Variants in MAP3K20 observed in about 807,000 individuals in gnomAD.
The protein encoded by MAP3K20 is HCCS-4.
A neutral mutation model predicts 85.7 loss-of-function variants in MAP3K20; 40 were observed. That is an observed-to-expected ratio of 0.47 (90% confidence interval 0.36 to 0.61). The LOEUF (loss-of-function observed/expected upper bound fraction) is 0.61. MAP3K20 is among the 20% of genes least tolerant of loss of function. The pLI, the probability that MAP3K20 is intolerant of heterozygous loss-of-function variation, is 0.00. For synonymous variants in MAP3K20, 325 were observed against 327.7 expected (o/e 0.99, Z 0.09); for missense variants, 817 against 961.7 (o/e 0.85, Z 1.99).
intron 2 of MAP3K20, among the ~76,000 whole-genome samples, chr2:173,133,227 A>G (rs1382983398): frequency 6.6e-6 from 1 of 152,224 alleles, no homozygotes; most frequent in African/African-American, 2.4e-5. Flanking sequence ...AGAAGCTTGT[A>G]TCAGTGTTTT....
At chr2:173,103,642 C>G (rs530741715) in intron 2 of MAP3K20, among the ~76,000 whole-genome samples, 2 of 152,332 alleles carry the variant, frequency 1.3e-5, no homozygotes, top group South Asian at 4.1e-4. Context: ...TTTACAGCTA[C>G]TATTCTAAGC....
chr2:173,183,021 T>C, intron 4 of MAP3K20, 66 bp downstream of exon 4: 2 of 1,238,312 alleles, frequency 1.6e-6, no homozygotes, highest in Non-Finnish European at 2.3e-6. Context: ...AAATGGGGAC[T>C]TAACATCAGA....
chr2:173,141,457 A>G (rs1190002272), intron 2 of MAP3K20, among the ~76,000 whole-genome samples: 1 of 152,206 alleles, frequency 6.6e-6, no homozygotes, highest in Non-Finnish European at 1.5e-5. Flanking sequence ...GGGGCTTAAC[A>G]GCAGATTGAG....
intron 2 of MAP3K20, among the ~76,000 whole-genome samples, chr2:173,139,338 A>T (rs2106211229): frequency 6.6e-6 from 1 of 152,286 alleles, no homozygotes; most frequent in Non-Finnish European, 1.5e-5. Flanking sequence ...TCCTGTTTGA[A>T]TTCTGATTGC....
rs571279374 is a variant in MAP3K20, at chr2:173,090,820, G to A, written c.-34-178G>A. The A allele has an allele frequency of 3.0e-5, 37 of 1,242,504 alleles. No individual in the cohort carries two copies. The African/African-American group carries it at 5.4e-4, about 18-fold the overall frequency. 77.0% of individuals were successfully genotyped at this position (1,242,504 alleles called of 1,614,324 possible). ...GGCAGGTTGTTGTTGAATTTTGCGT[G>A]GGCTGCCAGGGTGAGTGTTTTCGAA... is the stretch of plus-strand genomic sequence containing the variant. On this transcript the variant is annotated intron_variant, in intron 1 of 19. Coordinates refer to ENST00000375213, the MANE Select transcript of MAP3K20 (RefSeq NM_016653.3).
chr2:173,252,919 G>A (rs1008606908), intron 16 of MAP3K20, among the ~76,000 whole-genome samples: 1 of 152,216 alleles, frequency 6.6e-6, no homozygotes, highest in Admixed American at 6.5e-5. Flanking sequence ...CAGAATTGGT[G>A]TTATATGATC....
At chr2:173,261,273 T>C in intron 18 of MAP3K20, 136 bp downstream of exon 18, 7 of 790,536 alleles carry the variant, frequency 8.9e-6, no homozygotes, top group South Asian at 1.8e-5. Flanking sequence ...CCAACCAACA[T>C]GAACATAGGA....
intron 2 of MAP3K20, among the ~76,000 whole-genome samples, chr2:173,123,743 C>T (rs928341923): frequency 1.3e-5 from 2 of 151,854 alleles, no homozygotes; most frequent in Non-Finnish European, 2.9e-5. Flanking sequence ...GTTGTAAATT[C>T]AACTGATGTT....
chr2:173,253,161 G>A (rs982598103), intron 16 of MAP3K20, among the ~76,000 whole-genome samples: 7 of 152,074 alleles, frequency 4.6e-5, no homozygotes, highest in South Asian at 2.1e-4. Context: ...ACACCTTCCT[G>A]CCCATCAAAG....
intron 14 of MAP3K20, among the ~76,000 whole-genome samples, chr2:173,237,285 C>T (rs1444696014): frequency 1.3e-5 from 2 of 151,980 alleles, no homozygotes; most frequent in African/African-American, 4.8e-5. Context: ...CCTCAGCATC[C>T]CAAAGTGCTG....
At chr2:173,258,077 A>G (rs532999199) in intron 16 of MAP3K20, among the ~76,000 whole-genome samples, 21 of 152,344 alleles carry the variant, frequency 1.4e-4, no homozygotes, top group African/African-American at 3.8e-4. Context: ...AATCAACAGA[A>G]GCCACGAAGT....
chr2:173,263,059 T>C (rs572522686), intron 18 of MAP3K20, among the ~76,000 whole-genome samples: 25 of 152,182 alleles, frequency 1.6e-4, no homozygotes, highest in Non-Finnish European at 2.8e-4. Flanking sequence ...AAAACAGATT[T>C]CCCTAACCAT....
intron 1 of MAP3K20, among the ~76,000 whole-genome samples, chr2:173,078,319 G>T (rs868060907): frequency 1.3e-5 from 2 of 152,300 alleles, no homozygotes; most frequent in Middle Eastern, 6.8e-3. Flanking sequence ...TAGATCACTT[G>T]TTTTCCATTT....
intron 17 of MAP3K20, among the ~76,000 whole-genome samples, chr2:173,259,508 T>C (rs1308884533): frequency 1.3e-5 from 2 of 152,214 alleles, no homozygotes; most frequent in Non-Finnish European, 2.9e-5. Flanking sequence ...GTCAACAGGA[T>C]AGTCACCATA....
chr2:173,087,598 C>G (rs1687177966), intron 1 of MAP3K20, among the ~76,000 whole-genome samples: 2 of 151,932 alleles, frequency 1.3e-5, no homozygotes, highest in Non-Finnish European at 1.5e-5. Flanking sequence ...TTCCTGGGAT[C>G]AATAGAGGAT....
intron 11 of MAP3K20, among the ~76,000 whole-genome samples, chr2:173,220,627 C>G (rs933433447): frequency 2.6e-5 from 4 of 152,124 alleles, no homozygotes; most frequent in African/African-American, 9.7e-5. Context: ...GAGTACTAAT[C>G]CAGATAAAAA....
At chr2:173,191,475 G>GGGT (rs1690648316) in intron 7 of MAP3K20, among the ~76,000 whole-genome samples, 1 of 152,162 alleles carries the variant, frequency 6.6e-6, no homozygotes, top group South Asian at 2.1e-4. Flanking sequence ...ATTTTTTGCA[G>GGGT]GGTGGTAATG....
At chr2:173,226,036 C>T (rs1416164884) in intron 11 of MAP3K20, 7 of 985,168 alleles carry the variant, frequency 7.1e-6, no homozygotes, top group African/African-American at 1.7e-5. Flanking sequence ...AGTGAAAAGA[C>T]GTTGAAAGCC....
intron 3 of MAP3K20, among the ~76,000 whole-genome samples, chr2:173,170,685 C>A (rs1015641156): frequency 1.3e-5 from 2 of 151,846 alleles, no homozygotes; most frequent in Non-Finnish European, 2.9e-5. Flanking sequence ...AACAAAACAC[C>A]CTCAATAAAA....
Sources: gnomAD v4.1 joint callset for allele counts (sites outside exome capture counted in the v4.1 genomes callset) on GRCh38, gnomAD v4.1.1 for gene constraint, MANE v1.5 for transcripts, NCBI Gene and HGNC (gene_info 2026-07-23, HGNC 2026-07-21) for gene names.